PPIG: variants seen among roughly 807,000 people sequenced by gnomAD.
The protein encoded by PPIG is peptidyl-prolyl cis-trans isomerase G.
In PPIG, 26 loss-of-function variants were observed where a neutral mutation model predicts 87.9. That is an observed-to-expected ratio of 0.30 (90% CI 0.22 to 0.41). The LOEUF is 0.41. Ranked by LOEUF, PPIG falls within the 10% of genes least tolerant of loss-of-function variation. The probability of loss-of-function intolerance (pLI) is 1.00; values close to 1 mark genes in which losing one functional copy is unlikely to be tolerated. For missense variants in PPIG, 722 were observed against 879.4 expected (o/e 0.82, Z 2.26); for synonymous variants, 308 against 276.5 (o/e 1.11, Z -1.13).
chr2:169,590,117 A>G (rs1684819647), intron 1 of PPIG, among the ~76,000 whole-genome samples: 2 of 142,206 alleles, frequency 1.4e-5, no homozygotes, highest in East Asian at 2.1e-4. Context: ...CTGTCTCAAC[A>G]ACGACAACAA....
chr2:169,636,460 TAA>T lies in PPIG; in HGVS notation c.1205_1206del (p.Lys402ArgfsTer12). The T allele has an allele frequency of 6.4e-7, 1 of 1,569,302 alleles. No homozygotes were observed. Among genetic ancestry groups the T allele is most frequent in the Non-Finnish European group, 8.6e-7 (1 of 1,163,834 alleles). ...GAAAATCAGAGAAGTCCAGTTAGAG[TAA>T]AAGAGAGAAAAATAACAGATCACAG... is the stretch of plus-strand genomic sequence containing the variant. On this transcript the variant is annotated frameshift_variant, in exon 14 of 14. Transcript: ENST00000260970. LOFTEE classifies it high-confidence loss of function.
intron 1 of PPIG, among the ~76,000 whole-genome samples, chr2:169,595,753 A>G (rs1160849315): frequency 6.6e-6 from 1 of 152,122 alleles, no homozygotes; most frequent in African/African-American, 2.4e-5. Context: ...TATTCTTTTT[A>G]ATGGTTAAAT....
At chr2:169,589,115 C>T (rs1370750127) in intron 1 of PPIG, among the ~76,000 whole-genome samples, 4 of 151,996 alleles carry the variant, frequency 2.6e-5, no homozygotes, top group East Asian at 1.9e-4. Context: ...ATAGTAAGTG[C>T]GTAATATCCT....
intron 1 of PPIG, among the ~76,000 whole-genome samples, chr2:169,595,596 C>G (rs1317109650): frequency 2.0e-5 from 3 of 152,184 alleles, no homozygotes; most frequent in Non-Finnish European, 4.4e-5. Context: ...TCTCTCTACT[C>G]TCTTATCTCC....
Position 169,604,713 on chromosome 2 carries a change from A to G in PPIG, c.136+452A>G, listed in dbSNP as rs562164936. Among the ~76,000 whole-genome samples the G allele has an allele frequency of 2.2e-3, 335 of 151,046 alleles. 3 individuals carry two copies. Among genetic ancestry groups the G allele is most frequent in the Non-Finnish European group, 4.3e-3 (291 of 67,830 alleles). ...AGATGGTGAAACCCCATCTCTACTA[A>G]AAATACAAAAATTAGCCAAATGTGG... On this transcript the variant is annotated intron_variant, in intron 4 of 13. Transcript: ENST00000260970.
chr2:169,615,080 ACT>A (rs1203006613), intron 9 of PPIG, among the ~76,000 whole-genome samples: 9 of 151,342 alleles, frequency 5.9e-5, no homozygotes, highest in Admixed American at 5.9e-4. Context: ...ACAGAGTCTC[ACT>A]CTGTCACCCA....
chr2:169,633,335 T>G lies in PPIG; in HGVS notation c.1017+88T>G, dbSNP rs1454006378. ...GGGTGTTTCTTAAATATTATTTTAA[T>G]GTGCAAGTAACTAAAATTTAGGGGA... On this transcript the variant is annotated intron_variant, in intron 12 of 13. Transcript: ENST00000260970. 3.8e-6 allele frequency: 4 copies of G among 1,059,938 alleles called. No individual in the cohort carries two copies. In the East Asian group the frequency reaches 1.0e-4, roughly 27 times the overall value. The allele number at this position is 1,059,938 out of a possible 1,614,324, so 65.7% of individuals were successfully genotyped here. A position where few individuals can be genotyped will look rare whatever the true frequency, so the allele number is the denominator to read the frequency against.
At chr2:169,622,764 T>G (rs1685790849) in intron 9 of PPIG, among the ~76,000 whole-genome samples, 1 of 152,186 alleles carries the variant, frequency 6.6e-6, no homozygotes, top group Non-Finnish European at 1.5e-5. Flanking sequence ...TTCAGAACAT[T>G]GGTCAGAGTA....
intron 1 of PPIG, 191 bp downstream of exon 1, chr2:169,584,681 C>T (rs1684648427): frequency 5.8e-6 from 2 of 344,242 alleles, no homozygotes; most frequent in South Asian, 4.3e-5. Flanking sequence ...AGTGCCTTTG[C>T]CGCTGTTGCA....
Position 169,637,524 on chromosome 2 carries a change from GT to G in PPIG, c.*2del. 1 of 1,564,410 alleles carries G rather than the reference GT, an allele frequency of 6.4e-7. No individual in the cohort carries two copies. The highest frequency in any genetic ancestry group is 8.6e-7 in the Non-Finnish European group (1 of 1,164,144). ...AACAGATGAAGACAAAAGCGGATGAGTGAGTTATATAAACTTACTTCCATTC... is the reference window on the plus strand; with the variant it reads ...AACAGATGAAGACAAAAGCGGATGAGGAGTTATATAAACTTACTTCCATTC... On this transcript the variant is annotated 3_prime_UTR_variant, in exon 14 of 14. Transcript: ENST00000260970.
chr2:169,636,562 A>G lies in PPIG; in HGVS notation c.1304A>G (p.Glu435Gly), dbSNP rs367797280. ...AAAGACCATAAATCTAACAGCAAAG[A>G]GAGAGACATCAGAAGAAATTCAGAA... ...KVKDHKSNSK[E>G]RDIRRNSEKD... The change falls in exon 14 of 14, where the codon GAG (glutamate) becomes GGG (glycine). Residue 435 changes from glutamate to glycine, a missense_variant. By Grantham distance (98) the Glu-to-Gly change is moderately conservative. Coordinates refer to ENST00000260970, the MANE Select transcript of PPIG (RefSeq NM_004792.3). 3.2e-5 allele frequency: 52 copies of G among 1,604,626 alleles called. No homozygotes were observed. The highest frequency in any genetic ancestry group is 4.2e-5 in the Non-Finnish European group (50 of 1,177,828).
At chr2:169,632,630 A>C (rs1166674543) in intron 11 of PPIG, among the ~76,000 whole-genome samples, 3 of 151,844 alleles carry the variant, frequency 2.0e-5, no homozygotes, top group African/African-American at 7.3e-5. Flanking sequence ...AGTCCCAGCT[A>C]CTCAGGAGGC....
At chr2:169,627,449 A>G (rs1248707455) in intron 9 of PPIG, among the ~76,000 whole-genome samples, 1 of 152,190 alleles carries the variant, frequency 6.6e-6, no homozygotes, top group Admixed American at 6.5e-5. Context: ...TTCAAAAGTG[A>G]TATGTAAATT....
intron 1 of PPIG, among the ~76,000 whole-genome samples, chr2:169,595,833 C>T (rs904446752): frequency 2.6e-4 from 40 of 152,132 alleles, no homozygotes; most frequent in East Asian, 7.7e-4. Flanking sequence ...GACTGAGTTT[C>T]GCTCTTGTTG....
At position 169,639,551 on chromosome 2, in the gene PPIG, G is replaced by T. The variant is rs549251809; in HGVS notation, c.*2028G>T. 43 of 152,100 alleles carry T rather than the reference G, an allele frequency of 2.8e-4. No homozygotes were observed. The highest frequency in any genetic ancestry group is 5.7e-4 in the Non-Finnish European group (39 of 67,932). The allele number at this position is 152,100 out of a possible 1,614,324, so 9.4% of individuals were successfully genotyped here. On this transcript the variant is annotated 3_prime_UTR_variant, in exon 14 of 14. Coordinates refer to ENST00000260970, the MANE Select transcript of PPIG (RefSeq NM_004792.3). ...AGTAACCATAGGGAAAAAAATTGTAGTAATTTCTATAGGCAATATTCTGTT... is the reference window on the plus strand; with the variant it reads ...AGTAACCATAGGGAAAAAAATTGTATTAATTTCTATAGGCAATATTCTGTT...
chr2:169,591,898 TAGTATTTTTAGGC>T (rs1370122042), intron 1 of PPIG, among the ~76,000 whole-genome samples: 16 of 150,838 alleles, frequency 1.1e-4, no homozygotes, highest in South Asian at 8.4e-4. Flanking sequence ...GATTATATTC[TAGTATTTTTAGGC>T]AATTCATGAT....
At chr2:169,591,865 A>G (rs1684871858) in intron 1 of PPIG, among the ~76,000 whole-genome samples, 1 of 150,632 alleles carries the variant, frequency 6.6e-6, no homozygotes, top group African/African-American at 2.4e-5. Flanking sequence ...TCACCCACAG[A>G]TTACTACTAC....
intron 1 of PPIG, among the ~76,000 whole-genome samples, chr2:169,598,835 A>T (rs1685095692): frequency 1.4e-5 from 1 of 72,044 alleles, no homozygotes; most frequent in African/African-American, 6.9e-5. Flanking sequence ...ACAGGTAAAT[A>T]TTTATATGTA....
chr2:169,586,132 T>G (rs1023466832), intron 1 of PPIG, among the ~76,000 whole-genome samples: 24 of 152,074 alleles, frequency 1.6e-4, no homozygotes, highest in African/African-American at 5.8e-4. Flanking sequence ...TTCTGTGTCT[T>G]AAACAAGAGT....
Sources: allele counts gnomAD v4.1 joint callset (sites outside exome capture counted in the v4.1 genomes callset), GRCh38; gene constraint gnomAD v4.1.1; transcripts MANE v1.5; gene names NCBI Gene and HGNC (gene_info 2026-07-23, HGNC 2026-07-21).